Variants in DNAJC8 observed in about 807,000 individuals in gnomAD.
DNAJC8 encodes dnaJ homolog subfamily C member 8.
A neutral mutation model predicts 43.2 loss-of-function variants in DNAJC8; 24 were observed. That is an observed-to-expected ratio of 0.56 (90% CI 0.40 to 0.78). The LOEUF is 0.78. DNAJC8 is among the 30% of genes least tolerant of loss of function. DNAJC8 has a pLI of 0.00. For synonymous variants in DNAJC8, 83 were observed against 98.0 expected (o/e 0.85, Z 0.90); for missense variants, 207 against 299.4 (o/e 0.69, Z 2.28).
chr1:28,203,079 A>G (rs570323700), intron 8 of DNAJC8, among the ~76,000 whole-genome samples: 1 of 152,294 alleles, frequency 6.6e-6, no homozygotes, highest in East Asian at 1.9e-4. Flanking sequence ...AAGCCAGTAC[A>G]ATGCCTAGCG....
At chr1:28,227,104 CTTTT>C (rs375175168) in intron 2 of DNAJC8, among the ~76,000 whole-genome samples, 3 of 95,142 alleles carry the variant, frequency 3.2e-5, no homozygotes, top group African/African-American at 1.2e-4. Context: ...CTCTCTCTCT[CTTTT>C]TTTTTTTTTT....
chr1:28,212,914 T>C (rs1394099174), intron 3 of DNAJC8, among the ~76,000 whole-genome samples: 1 of 152,222 alleles, frequency 6.6e-6, no homozygotes, highest in Non-Finnish European at 1.5e-5. Context: ...ATTGGGCTGA[T>C]ATAAGAATGA....
rs548456356 is a variant in DNAJC8, at chr1:28,229,163, A to G, written c.79-140T>C. ...GCAAGACATTTTGCTAAATGCTTTG[A>G]GAAATTAAAACTACCATTTGTTGAA... On this transcript the variant is annotated intron_variant, in intron 1 of 8. Transcript: ENST00000263697. 67 of 700,522 alleles carry G rather than the reference A, an allele frequency of 9.6e-5. 1 individual carries two copies. The South Asian group carries it at 1.2e-3, about 12-fold the overall frequency. 43.4% of individuals were successfully genotyped at this position (700,522 alleles called of 1,614,324 possible).
intron 4 of DNAJC8, 25 bp from the exon 5 acceptor site, chr1:28,210,091 TG>T (rs1646800330): frequency 6.2e-7 from 1 of 1,606,296 alleles, no homozygotes; most frequent in East Asian, 2.2e-5. Flanking sequence ...TGAAATTAAC[TG>T]TTTCTGCAAA....
chr1:28,227,506 C>T (rs1050213557), intron 2 of DNAJC8, among the ~76,000 whole-genome samples: 3 of 151,122 alleles, frequency 2.0e-5, no homozygotes, highest in South Asian at 2.1e-4. Flanking sequence ...GTGGGCAAAT[C>T]GTTTGAACCC....
chr1:28,206,243 CTAT>C (rs1646767702), intron 6 of DNAJC8, among the ~76,000 whole-genome samples: 1 of 151,862 alleles, frequency 6.6e-6, no homozygotes, highest in African/African-American at 2.4e-5. Context: ...GGAACAGAAG[CTAT>C]TATTATTTAT....
rs1037159937 is a variant in DNAJC8, at chr1:28,220,201, A to G, written c.181-5205T>C. Among the ~76,000 whole-genome samples, 19 of 152,248 alleles carry G rather than the reference A, an allele frequency of 1.2e-4. 1 individual carries two copies. Among genetic ancestry groups the G allele is most frequent in the African/African-American group, 4.1e-4 (17 of 41,466 alleles). On this transcript the variant is annotated intron_variant, in intron 2 of 8. Transcript: ENST00000263697. ...AAGTTATTTTTCCAAGAGTTATATC[A>G]GAACAAATATTCACTGAGTGCCTTC...
At chr1:28,212,725 C>T (rs899521296) in intron 3 of DNAJC8, among the ~76,000 whole-genome samples, 8 of 152,108 alleles carry the variant, frequency 5.3e-5, no homozygotes, top group African/African-American at 1.7e-4. Context: ...GGAACTATGT[C>T]GGGGAATGAG....
chr1:28,228,973 A>G lies in DNAJC8; in HGVS notation c.129T>C (p.Ile43=), dbSNP rs1326191337. The change falls in exon 2 of 9, where the codon ATT becomes ATC. Residue 43 remains isoleucine, a synonymous_variant. Transcript: ENST00000263697. ...AGGAACCAGGACGGGTCAGTCTTTC[A>G]ATCTGATTTTTCGAAGTTAGAACCG... ...RDSVLTSKNQ[I]ERLTRPGSSY... The G allele has an allele frequency of 3.7e-6, 6 of 1,613,770 alleles. No individual in the cohort carries two copies. In the East Asian group the frequency reaches 6.7e-5, roughly 18 times the overall value.
chr1:28,219,868 G>A (rs499514), intron 2 of DNAJC8, among the ~76,000 whole-genome samples: 10,804 of 152,100 alleles, frequency 0.071, 599 homozygotes, highest in African/African-American at 0.15. Context: ...GTAGAGATGG[G>A]GTTTCACCAT....
intron 1 of DNAJC8, 99 bp downstream of exon 1, chr1:28,232,822 G>T: frequency 7.7e-7 from 1 of 1,304,366 alleles, no homozygotes; most frequent in African/African-American, 1.4e-5. Flanking sequence ...TGAAGGAATC[G>T]CCCAACGGTC....
chr1:28,218,094 C>CTTTTTTTTTTTTT (rs34973122), intron 2 of DNAJC8, among the ~76,000 whole-genome samples: 1 of 122,352 alleles, frequency 8.2e-6, no homozygotes, highest in Non-Finnish European at 1.7e-5. Context: ...GGTTTCTATT[C>CTTTTTTTTTTTTT]TTTTTTTTTT....
At position 28,226,574 on chromosome 1, in the gene DNAJC8, G is replaced by C. The variant is rs925477276; in HGVS notation, c.180+2348C>G. The stretch of plus-strand genomic sequence containing the variant: ...AAGAAATGATTAAATAAATTATATG[G>C]AATTTTTTTTACCCCCCAGTCTATT... On this transcript the variant is annotated intron_variant, in intron 2 of 8. Transcript: ENST00000263697. Among the ~76,000 whole-genome samples, 46 of 150,910 alleles carry C rather than the reference G, an allele frequency of 3.0e-4. 2 individuals are homozygous for C. The highest frequency in any genetic ancestry group is 5.3e-4 in the Non-Finnish European group (36 of 67,676).
intron 3 of DNAJC8, among the ~76,000 whole-genome samples, chr1:28,212,210 T>TATATATATATATATATA (rs1557708014): frequency 9.1e-6 from 1 of 109,498 alleles, no homozygotes; most frequent in Non-Finnish European, 1.9e-5. Flanking sequence ...TATATATATA[T>TATATATATATATATATA]ATATAAATGA....
intron 6 of DNAJC8, among the ~76,000 whole-genome samples, chr1:28,205,848 A>G (rs1646764708): frequency 6.6e-6 from 1 of 152,148 alleles, no homozygotes; most frequent in Non-Finnish European, 1.5e-5. Context: ...AGATCATGCC[A>G]TTGCACCCCA....
At chr1:28,226,629 T>TG (rs778854849) in intron 2 of DNAJC8, among the ~76,000 whole-genome samples, 1 of 151,288 alleles carries the variant, frequency 6.6e-6, no homozygotes, top group South Asian at 2.1e-4. Flanking sequence ...AAAAGTTTCT[T>TG]GGGGGGTGAC....
intron 2 of DNAJC8, among the ~76,000 whole-genome samples, chr1:28,216,336 A>G (rs1208005908): frequency 5.3e-5 from 8 of 152,166 alleles, no homozygotes; most frequent in South Asian, 2.1e-4. Flanking sequence ...CAGACGAGGG[A>G]CTGTAACTGT....
At chr1:28,225,623 T>C (rs959184495) in intron 2 of DNAJC8, among the ~76,000 whole-genome samples, 1 of 150,646 alleles carries the variant, frequency 6.6e-6, no homozygotes, top group Admixed American at 6.6e-5. Context: ...TTTCTGAATA[T>C]GAACAGTGGT....
chr1:28,221,363 C>G (rs1025001544), intron 2 of DNAJC8, among the ~76,000 whole-genome samples: 1 of 150,062 alleles, frequency 6.7e-6, no homozygotes, highest in African/African-American at 2.5e-5. Context: ...GAGAAAGAAA[C>G]AAAGAAAGAA....
Sources: allele counts gnomAD v4.1 joint callset (sites outside exome capture counted in the v4.1 genomes callset), GRCh38; gene constraint gnomAD v4.1.1; transcripts MANE v1.5; gene names NCBI Gene and HGNC (gene_info 2026-07-23, HGNC 2026-07-21).